The following SLC8A2 variants were observed in gnomAD, a reference collection of about 807,000 sequenced individuals.
SLC8A2 encodes the protein solute carrier family 8 member A2.
SLC8A2 carries 14 observed loss-of-function variants against 70.2 expected under a neutral mutation model. That is an observed-to-expected ratio of 0.20 (90% confidence interval 0.13 to 0.31). SLC8A2 has a LOEUF of 0.31. Among genes scored for constraint, SLC8A2 ranks in the 10% least tolerant of loss-of-function variants. The pLI, the probability that SLC8A2 is intolerant of heterozygous loss-of-function variation, is 1.00. For missense variants in SLC8A2, 779 were observed against 1,320.1 expected (o/e 0.59, Z 6.35); for synonymous variants, 575 against 594.3 (o/e 0.97, Z 0.47).
chr19:47,470,542 G>A (rs1194764672), intron 1 of SLC8A2, among the ~76,000 whole-genome samples: 1 of 152,188 alleles, frequency 6.6e-6, no homozygotes, highest in Non-Finnish European at 1.5e-5. Flanking sequence ...GGCACACCAG[G>A]AAAGGGATGG....
intron 8 of SLC8A2, among the ~76,000 whole-genome samples, chr19:47,436,875 G>A (rs565610896): frequency 9.9e-5 from 15 of 152,092 alleles, no homozygotes; most frequent in Non-Finnish European, 1.6e-4. Context: ...GAAAGAGCTC[G>A]GTGCCCTGGT....
chr19:47,466,200 C>G lies in SLC8A2; in HGVS notation c.204G>C (p.Lys68Asn). The G allele has an allele frequency of 6.2e-7, 1 of 1,612,990 alleles. No individual in the cohort carries two copies. Among genetic ancestry groups the G allele is most frequent in the Non-Finnish European group, 8.5e-7 (1 of 1,179,038 alleles). ...WEPDDPSLGD[K>N]AARAVVYFVA... ...CAAAGTACACCACTGCCCGTGCCGC[C>G]TTGTCACCCAGCGACGGGTCGTCGG... Residue 68 changes from lysine to asparagine, a missense_variant, in exon 2 of 10, where the codon AAG (lysine) becomes AAC (asparagine). By Grantham distance (94) the Lys-to-Asn change is moderately conservative. This residue lies in a region of SLC8A2 where 155 missense variants were observed against 318.6 expected (regional missense o/e 0.49). Transcript: ENST00000236877. This position sits in a 1 kb window ranked among gnomAD's most constrained non-coding sequence, Gnocchi z 6.9.
Position 47,437,838 on chromosome 19 carries a change from C to G in SLC8A2, c.2010+11G>C, listed in dbSNP as rs374608380. On this transcript the variant is annotated intron_variant, in intron 7 of 9. Transcript: ENST00000236877. ...GCTGGACTCCAGGAAGGTGAGGCCCCGGAAAATCACCTTAAAATCATATGA... is the reference window on the plus strand; with the variant it reads ...GCTGGACTCCAGGAAGGTGAGGCCCGGGAAAATCACCTTAAAATCATATGA... 1.2e-6 allele frequency: 2 copies of G among 1,613,898 alleles called. No individual in the cohort carries two copies. The highest frequency in any genetic ancestry group is 1.7e-6 in the Non-Finnish European group (2 of 1,179,982).
intron 3 of SLC8A2, among the ~76,000 whole-genome samples, chr19:47,452,445 AGTGTGTGTGTGTGTGTGT>A (rs1158828688): frequency 3.7e-5 from 2 of 54,060 alleles, no homozygotes; most frequent in Non-Finnish European, 6.3e-5. Flanking sequence ...AGAGAGAGAG[AGTGTGTGTGTGTGTGTGT>A]GTGTGTGTGT....
At chr19:47,441,982 G>A (rs959974656) in intron 4 of SLC8A2, among the ~76,000 whole-genome samples, 3 of 152,086 alleles carry the variant, frequency 2.0e-5, no homozygotes, top group Non-Finnish European at 4.4e-5. Flanking sequence ...CATGCCTGTA[G>A]TCCCAGCTAC....
Position 47,465,832 on chromosome 19 carries a change from T to C in SLC8A2, c.572A>G (p.Lys191Arg). 6 of 1,614,206 alleles carry C rather than the reference T, an allele frequency of 3.7e-6. No homozygotes were observed. Among genetic ancestry groups the C allele is most frequent in the Non-Finnish European group, 5.1e-6 (6 of 1,180,038 alleles). ...AAAGAAGACTCTCAGGTGCTTGATC[T>C]TGCGGCTCTCGCCGGCTGGGATGAC... ...IYVIPAGESR[K>R]IKHLRVFFVT... The change falls in exon 2 of 10, where the codon AAG becomes AGG. Residue 191 changes from lysine (K) to arginine (R), a missense_variant. By Grantham distance (26) the Lys-to-Arg change is conservative. Coordinates refer to ENST00000236877, the MANE Select transcript of SLC8A2 (RefSeq NM_015063.3). This position sits in a 1 kb window ranked among gnomAD's most constrained non-coding sequence, Gnocchi z 5.5.
Position 47,462,614 on chromosome 19 carries a change from G to T in SLC8A2, c.675+3115C>A, listed in dbSNP as rs1302657391. Among the ~76,000 whole-genome samples the T allele has an allele frequency of 3.8e-5, 5 of 131,098 alleles. No individual in the cohort carries two copies. In the East Asian group the frequency reaches 9.2e-4, roughly 24 times the overall value. The allele number at this position is 131,098 out of a possible 152,430, so 86.0% of individuals were successfully genotyped here. ...TTTTTTTTTTTTTTTCTGAGATGGA[G>T]TCTCACTCTGTCACCCAGGCTGGAG... On this transcript the variant is annotated intron_variant, in intron 2 of 9. Transcript: ENST00000236877.
Position 47,432,153 on chromosome 19 carries a change from T to C in SLC8A2, c.2389+14A>G. 1 of 1,591,514 alleles carries C rather than the reference T, an allele frequency of 6.3e-7. No homozygotes were observed. Among genetic ancestry groups the C allele is most frequent in the Non-Finnish European group, 8.6e-7 (1 of 1,167,284 alleles). Reference sequence around the variant, plus strand: ...TCTGAGATCCTACCCCACCAAAGTCTCCCAGGGTGTTACCAGGGATGGAGG... The same window carrying C: ...TCTGAGATCCTACCCCACCAAAGTCCCCCAGGGTGTTACCAGGGATGGAGG... On this transcript the variant is annotated intron_variant, in intron 9 of 9. Coordinates refer to ENST00000236877, the MANE Select transcript of SLC8A2 (RefSeq NM_015063.3). This position sits in a 1 kb window ranked among gnomAD's most constrained non-coding sequence, Gnocchi z 6.2.
In SLC8A2 at chr19:47,466,377, G is replaced by T; in HGVS notation, c.27C>A (p.Val9=). MAPLALVG[V]TLLLAAPPCS... ...ATGGGGGAGCCGCCAGGAGGAGTGTGACCCCCACCAAGGCCAGGGGAGCCA... is the reference window on the plus strand; with the variant it reads ...ATGGGGGAGCCGCCAGGAGGAGTGTTACCCCCACCAAGGCCAGGGGAGCCA... Residue 9 remains valine, a synonymous_variant, in exon 2 of 10, where the codon GTC becomes GTA. Coordinates refer to ENST00000236877, the MANE Select transcript of SLC8A2 (RefSeq NM_015063.3). The surrounding 1 kb of genome is among the most constrained non-coding windows in gnomAD (Gnocchi z 6.9). 1 of 1,434,356 alleles carries T rather than the reference G, an allele frequency of 7.0e-7. No homozygotes were observed. Among genetic ancestry groups the T allele is most frequent in the Non-Finnish European group, 9.1e-7 (1 of 1,095,100 alleles). The allele number at this position is 1,434,356 out of a possible 1,614,324, so 88.9% of individuals were successfully genotyped here.
rs1232732315 is a variant in SLC8A2 at position 47,454,747 on chromosome 19, C to CT, written c.1340+2182dup. 4.6e-5 allele frequency among the ~76,000 whole-genome samples: 7 copies of CT among 152,208 alleles called. No individual in the cohort carries two copies. The East Asian group carries it at 1.2e-3, about 25-fold the overall frequency. ...GAGGGCAGAGAGGGAAGAAGACTGG[C>CT]TACAAAAAGCAGCCAGGCACACAGT... On this transcript the variant is annotated intron_variant, in intron 3 of 9. Transcript: ENST00000236877.
At chr19:47,440,894 C>A (rs1442284154) in intron 6 of SLC8A2, among the ~76,000 whole-genome samples, 1 of 152,072 alleles carries the variant, frequency 6.6e-6, no homozygotes, top group Admixed American at 6.6e-5. Flanking sequence ...CCTGGCCTCA[C>A]CCAGGTAATT....
rs2122610646 is a variant in SLC8A2, at chr19:47,432,073, T to C, written c.2389+94A>G. 1.6e-6 allele frequency: 2 copies of C among 1,247,556 alleles called. No homozygotes were observed. Among genetic ancestry groups the C allele is most frequent in the Admixed American group, 2.4e-5 (1 of 41,302 alleles). 77.3% of individuals were successfully genotyped at this position (1,247,556 alleles called of 1,614,324 possible). A position where few individuals can be genotyped will look rare whatever the true frequency, so the allele number is the denominator to read the frequency against. ...TCTGAGACCCACCACATGGGCGCTG[T>C]GTGACTCCACCCACCTCATTTTGGC... On this transcript the variant is annotated intron_variant, in intron 9 of 9. Coordinates refer to ENST00000236877, the MANE Select transcript of SLC8A2 (RefSeq NM_015063.3). The surrounding 1 kb of genome is among the most constrained non-coding windows in gnomAD (Gnocchi z 6.2).
chr19:47,442,763 A>G (rs1407700833), intron 4 of SLC8A2, among the ~76,000 whole-genome samples: 3 of 152,190 alleles, frequency 2.0e-5, no homozygotes, highest in African/African-American at 7.2e-5. Flanking sequence ...AGCTCAATGC[A>G]GCCTCAAAGT....
Position 47,432,004 on chromosome 19 carries a change from G to C in SLC8A2, c.2389+163C>G. ...GATTCAATTCACATCTTGCACCTAG[G>C]GGACCCGCTGCCTGGCTTCTATTAT... On this transcript the variant is annotated intron_variant, in intron 9 of 9. Transcript: ENST00000236877. This position sits in a 1 kb window ranked among gnomAD's most constrained non-coding sequence, Gnocchi z 6.2. 1.7e-6 allele frequency: 1 copy of C among 595,358 alleles called. No individual in the cohort carries two copies. The highest frequency in any genetic ancestry group is 2.8e-6 in the Non-Finnish European group (1 of 356,798). 36.9% of individuals were successfully genotyped at this position (595,358 alleles called of 1,614,324 possible).
intron 3 of SLC8A2, among the ~76,000 whole-genome samples, chr19:47,453,009 G>C (rs557663011): frequency 1.3e-5 from 2 of 152,310 alleles, no homozygotes; most frequent in East Asian, 3.9e-4. Context: ...CTCCAGCCTG[G>C]TCAACAGAGT....
Position 47,432,345 on chromosome 19 carries a change from G to A in SLC8A2, c.2211C>T (p.Phe737=), listed in dbSNP as rs1389550086. ...HFLTVFWKVL[F]ACVPPTEYCH... is the part of the protein sequence containing the mutation. ...AGTACTCGGTGGGGGGCACACAGGCGAAGAGCACCTTCCAGAACACCGTCA... is the reference window on the plus strand; with the variant it reads ...AGTACTCGGTGGGGGGCACACAGGCAAAGAGCACCTTCCAGAACACCGTCA... Residue 737 remains phenylalanine, a synonymous_variant, in exon 9 of 10, where the codon TTC becomes TTT. Coordinates refer to ENST00000236877, the MANE Select transcript of SLC8A2 (RefSeq NM_015063.3). The surrounding 1 kb of genome is among the most constrained non-coding windows in gnomAD (Gnocchi z 6.2). 1.7e-5 allele frequency: 27 copies of A among 1,613,964 alleles called. No homozygotes were observed. Among genetic ancestry groups the A allele is most frequent in the East Asian group, 2.2e-5 (1 of 44,886 alleles).
chr19:47,429,891 C>T lies in SLC8A2; in HGVS notation c.*198G>A. The T allele has an allele frequency of 1.6e-6, 1 of 613,806 alleles. No homozygotes were observed. The highest frequency in any genetic ancestry group is 2.0e-5 in the South Asian group (1 of 49,758). The allele number at this position is 613,806 out of a possible 1,614,324, so 38.0% of individuals were successfully genotyped here. ...CGCAGGGGAGGAACCGGGGAGGCTC[C>T]CGAGAGGAAGAGGGAAGGCTGAGCT... On this transcript the variant is annotated 3_prime_UTR_variant, in exon 10 of 10. Coordinates refer to ENST00000236877, the MANE Select transcript of SLC8A2 (RefSeq NM_015063.3).
In SLC8A2 at chr19:47,466,213, G is replaced by T; in HGVS notation, c.191C>A (p.Ser64Ter). Residue 64 changes from serine to a stop codon, truncating the protein, a stop_gained, in exon 2 of 10, where the codon TCG (serine) becomes TAG (stop). Coordinates refer to ENST00000236877, the MANE Select transcript of SLC8A2 (RefSeq NM_015063.3). LOFTEE classifies it high-confidence loss of function. This position sits in a 1 kb window ranked among gnomAD's most constrained non-coding sequence, Gnocchi z 6.9. ...LLPVWEPDDPSLGDKAARAVV... is the reference protein window; with the variant it reads ...LLPVWEPDDP ...TGCCCGTGCCGCCTTGTCACCCAGCGACGGGTCGTCGGGCTCCCACACGGG... is the reference window on the plus strand; with the variant it reads ...TGCCCGTGCCGCCTTGTCACCCAGCTACGGGTCGTCGGGCTCCCACACGGG... The T allele has an allele frequency of 6.2e-7, 1 of 1,611,126 alleles. No individual in the cohort carries two copies. The highest frequency in any genetic ancestry group is 8.5e-7 in the Non-Finnish European group (1 of 1,177,692).
chr19:47,438,835 C>G (rs940384365), intron 6 of SLC8A2, among the ~76,000 whole-genome samples: 2 of 152,186 alleles, frequency 1.3e-5, no homozygotes, highest in African/African-American at 4.8e-5. Context: ...GATCTAACTC[C>G]AGTCCTACAC....
Sources: gnomAD v4.1 joint callset for allele counts (sites outside exome capture counted in the v4.1 genomes callset) on GRCh38, gnomAD v4.1.1 for gene constraint, gnomAD v4.1.1 regional missense constraint, Gnocchi (gnomAD v3.1) non-coding constraint, MANE v1.5 for transcripts, NCBI Gene and HGNC (gene_info 2026-07-23, HGNC 2026-07-21) for gene names.